The following GALNT17 variants were observed in gnomAD, a reference collection of about 807,000 sequenced individuals.
The protein encoded by GALNT17 is polypeptide N-acetylgalactosaminyltransferase 17, also known as UDP-GalNAc:polypeptide N-acetylgalactosaminyltransferase-like 3.
In GALNT17, 29 loss-of-function variants were observed where a neutral mutation model predicts 63.7. The observed-to-expected ratio is 0.46, with a 90% CI of 0.34 to 0.62. The LOEUF is 0.62. Among genes scored for constraint, GALNT17 ranks in the 20% least tolerant of loss-of-function variants. GALNT17 has a pLI of 0.01. For missense variants in GALNT17, 603 were observed against 799.6 expected, an observed-to-expected ratio of 0.75 and a Z score of 2.97; for synonymous variants, 305 against 318.3, an observed-to-expected ratio of 0.96 and a Z score of 0.45.
chr7:71,355,391 A>G (rs999940857), intron 2 of GALNT17, among the ~76,000 whole-genome samples: 2 of 152,138 alleles, frequency 1.3e-5, no homozygotes, highest in Admixed American at 6.5e-5. Flanking sequence ...TTTCATTACC[A>G]TTATTTTTTA....
intron 9 of GALNT17, among the ~76,000 whole-genome samples, chr7:71,690,019 C>CTTTTTT (rs36049127): frequency 4.2e-5 from 6 of 142,828 alleles, no homozygotes; most frequent in Non-Finnish European, 3.0e-5. Context: ...TACTGAATAT[C>CTTTTTT]TTTTTTTTTT....
At chr7:71,166,924 A>T (rs939210442) in intron 1 of GALNT17, among the ~76,000 whole-genome samples, 5 of 151,690 alleles carry the variant, frequency 3.3e-5, no homozygotes, top group African/African-American at 1.2e-4. Context: ...AAGTTTTGTT[A>T]TGTCACTCAG....
rs199920137 is a variant in GALNT17, at chr7:71,488,184, A to AC, written c.962+67079_962+67080insC. ...CCCTATCTCTTAAAAAAAAAAAAAA[A>AC]AAAAACAGCCAAGGTAAGAGGCAAG... On this transcript the variant is annotated intron_variant, in intron 5 of 10. Coordinates refer to ENST00000333538, the MANE Select transcript of GALNT17 (RefSeq NM_022479.3). 8.5e-3 allele frequency among the ~76,000 whole-genome samples: 1,286 copies of AC among 151,548 alleles called. 40 individuals are homozygous for AC. Among genetic ancestry groups the AC allele is most frequent in the Admixed American group, 0.052 (780 of 15,094 alleles).
chr7:71,155,155 C>T (rs988265381), intron 1 of GALNT17, among the ~76,000 whole-genome samples: 1 of 151,950 alleles, frequency 6.6e-6, no homozygotes, highest in East Asian at 1.9e-4. Flanking sequence ...TCCCCGTGGA[C>T]GACGGTTATC....
chr7:71,672,992 A>G (rs1346679469), intron 8 of GALNT17, among the ~76,000 whole-genome samples: 4 of 77,046 alleles, frequency 5.2e-5, no homozygotes, highest in Non-Finnish European at 1.7e-4. Flanking sequence ...TTAAATACAC[A>G]GAGGTGTTTT....
At chr7:71,481,601 G>A (rs547117513) in intron 5 of GALNT17, among the ~76,000 whole-genome samples, 1 of 152,186 alleles carries the variant, frequency 6.6e-6, no homozygotes, top group East Asian at 1.9e-4. Context: ...GAAGGTGCAG[G>A]GGGAAACAGC....
chr7:71,240,350 G>T (rs751034924), intron 1 of GALNT17, among the ~76,000 whole-genome samples: 1 of 152,310 alleles, frequency 6.6e-6, no homozygotes, highest in Non-Finnish European at 1.5e-5. Flanking sequence ...TGATGCTGAG[G>T]TTTGGGCTTC....
intron 5 of GALNT17, among the ~76,000 whole-genome samples, chr7:71,501,291 G>T (rs1011062209): frequency 2.0e-5 from 3 of 150,074 alleles, no homozygotes; most frequent in African/African-American, 4.9e-5. Context: ...TTGAGACAGG[G>T]TCTCTTTCTG....
chr7:71,425,798 T>C (rs1786749470), intron 5 of GALNT17, among the ~76,000 whole-genome samples: 1 of 152,198 alleles, frequency 6.6e-6, no homozygotes, highest in African/African-American at 2.4e-5. Context: ...TATTAGTTCT[T>C]GCCCTGCTGT....
chr7:71,141,665 T>G (rs1787894113), intron 1 of GALNT17, among the ~76,000 whole-genome samples: 1 of 144,992 alleles, frequency 6.9e-6, no homozygotes, highest in Non-Finnish European at 1.5e-5. Flanking sequence ...ATGTTTCTTT[T>G]TCTTTCTTTC....
intron 1 of GALNT17, among the ~76,000 whole-genome samples, chr7:71,227,092 C>T (rs960726037): frequency 1.4e-5 from 2 of 138,106 alleles, no homozygotes; most frequent in African/African-American, 5.3e-5. Context: ...AATCCCAGCA[C>T]TTTGGGAGGC....
chr7:71,695,133 C>T (rs1038056486), intron 9 of GALNT17, among the ~76,000 whole-genome samples: 35 of 152,180 alleles, frequency 2.3e-4, no homozygotes, highest in Admixed American at 1.9e-3. Flanking sequence ...GAGTGGACTA[C>T]GCATTCCCTC....
chr7:71,603,376 A>G (rs1789995916), intron 6 of GALNT17, among the ~76,000 whole-genome samples: 1 of 152,036 alleles, frequency 6.6e-6, no homozygotes, highest in South Asian at 2.1e-4. Context: ...TGCTAAGTGC[A>G]TACACTAGAT....
chr7:71,444,768 A>G (rs1262635982), intron 5 of GALNT17, among the ~76,000 whole-genome samples: 1 of 152,294 alleles, frequency 6.6e-6, no homozygotes, highest in Admixed American at 6.5e-5. Context: ...TGGAGGCTGC[A>G]GTGAGGCGAG....
chr7:71,361,760 C>A (rs549920967), intron 2 of GALNT17, among the ~76,000 whole-genome samples: 3 of 152,022 alleles, frequency 2.0e-5, no homozygotes, highest in Admixed American at 6.6e-5. Flanking sequence ...TTATAAATAG[C>A]ATTGCATCTT....
chr7:71,544,592 A>C (rs946450651), intron 5 of GALNT17, among the ~76,000 whole-genome samples: 4 of 152,146 alleles, frequency 2.6e-5, no homozygotes, highest in African/African-American at 9.7e-5. Context: ...ACCTAAGCAG[A>C]TAGAGGAGGC....
At chr7:71,259,630 TGTTTTTTGTTTTTTTG>T (rs1325707730) in intron 1 of GALNT17, among the ~76,000 whole-genome samples, 1 of 140,436 alleles carries the variant, frequency 7.1e-6, no homozygotes, top group African/African-American at 2.8e-5. Context: ...GGTCCTGTTT[TGTTTTTTGTTTTTTTG>T]TTTTTTTTTT....
chr7:71,648,098 C>A (rs1330172426), intron 6 of GALNT17, among the ~76,000 whole-genome samples: 1 of 152,236 alleles, frequency 6.6e-6, no homozygotes, highest in East Asian at 1.9e-4. Context: ...GGTGGTGGCA[C>A]CGCTACCACT....
intron 1 of GALNT17, among the ~76,000 whole-genome samples, chr7:71,240,220 A>G (rs376523031): frequency 6.6e-5 from 10 of 152,324 alleles, no homozygotes; most frequent in East Asian, 1.9e-4. Context: ...AGAATTGTCA[A>G]TTGTATTTAG....
Sources: gnomAD v4.1 joint callset for allele counts (sites outside exome capture counted in the v4.1 genomes callset) on GRCh38, gnomAD v4.1.1 for gene constraint, MANE v1.5 for transcripts, NCBI Gene and HGNC (gene_info 2026-07-23, HGNC 2026-07-21) for gene names.